Variants in AHR observed in about 807,000 individuals in gnomAD.
AHR encodes AH-receptor.
Under a neutral mutation model 86.8 loss-of-function variants are expected in AHR, and 40 were observed. That is an observed-to-expected ratio of 0.46 (90% confidence interval 0.36 to 0.60). The LOEUF (loss-of-function observed/expected upper bound fraction) is 0.60, where lower values mean the gene tolerates loss of function less well. Among genes scored for constraint, AHR ranks in the 20% least tolerant of loss-of-function variants. AHR has a pLI of 0.00. For missense variants in AHR, 1,001 were observed against 1,011.6 expected (o/e 0.99, Z 0.14); for synonymous variants, 398 against 354.9 (o/e 1.12, Z -1.37).
In AHR at chr7:17,329,935, G is replaced by C. The variant is rs764987578; in HGVS notation, c.451-17G>C. The C allele has an allele frequency of 1.3e-6, 2 of 1,594,030 alleles. No homozygotes were observed. Among genetic ancestry groups the C allele is most frequent in the Non-Finnish European group, 1.7e-6 (2 of 1,171,872 alleles). On this transcript the variant is annotated splice_polypyrimidine_tract_variant and intron_variant, in intron 4 of 10. Coordinates refer to ENST00000242057, the MANE Select transcript of AHR (RefSeq NM_001621.5). The stretch of plus-strand genomic sequence containing the variant: ...AATCAGTCCTTTTGTTGTATTCCTT[G>C]TATCTTTTTTCTTTAGTCTGATGTC...
intron 1 of AHR, among the ~76,000 whole-genome samples, chr7:17,308,274 T>A (rs2237299): frequency 3.3e-5 from 5 of 151,824 alleles, no homozygotes; most frequent in African/African-American, 1.2e-4. Context: ...TACAGTTCAC[T>A]AATCCTTAGT....
intron 3 of AHR, 50 bp from the exon 4 acceptor site, chr7:17,327,709 T>C (rs377441093): frequency 3.3e-5 from 33 of 1,004,620 alleles, no homozygotes; most frequent in East Asian, 7.5e-5. Context: ...CTTTATCTGA[T>C]GGTCAATATT....
rs147237881 is a variant in AHR at position 17,329,993 on chromosome 7, C to T, written c.492C>T (p.Thr164=). ...IHQSVYELIH[T]EDRAEFQRQL... is the part of the protein sequence containing the mutation. ...AGAGTGTATATGAACTTATCCATAC[C>T]GAAGACCGAGCTGAATTTCAGCGTC... Residue 164 remains threonine (T), a synonymous_variant, in exon 5 of 11, where the codon ACC becomes ACT. Transcript: ENST00000242057. 10 of 1,610,820 alleles carry T rather than the reference C, an allele frequency of 6.2e-6. No homozygotes were observed. In the East Asian group the frequency reaches 1.1e-4, roughly 18 times the overall value.
rs938864604 is a variant in AHR at position 17,298,652 on chromosome 7, A to G, written c.-613A>G. The G allele has an allele frequency of 7.6e-6, 3 of 392,496 alleles. No individual in the cohort carries two copies. Among genetic ancestry groups the G allele is most frequent in the African/African-American group, 2.1e-5 (1 of 48,096 alleles). The allele number at this position is 392,496 out of a possible 1,614,324, so 24.3% of individuals were successfully genotyped here. On this transcript the variant is annotated 5_prime_UTR_variant, in exon 1 of 11. Transcript: ENST00000242057. ...GCCGGTGCGCGCGGCGGCGGGAGGCAGTGGCTGGGGAGTCCCGTCGACGCT... is the reference window on the plus strand; with the variant it reads ...GCCGGTGCGCGCGGCGGCGGGAGGCGGTGGCTGGGGAGTCCCGTCGACGCT...
intron 3 of AHR, among the ~76,000 whole-genome samples, chr7:17,327,392 C>A (rs912906743): frequency 1.3e-5 from 2 of 151,926 alleles, no homozygotes; most frequent in African/African-American, 2.4e-5. Flanking sequence ...TAATCAACAT[C>A]TTTGCCTCCT....
At chr7:17,318,259 A>T (rs1782136185) in intron 2 of AHR, among the ~76,000 whole-genome samples, 1 of 152,066 alleles carries the variant, frequency 6.6e-6, no homozygotes, top group African/African-American at 2.4e-5. Context: ...TGATATGAAG[A>T]GATGTGGCAT....
Position 17,334,073 on chromosome 7 carries a change from C to T in AHR, c.867C>T (p.Thr289=), listed in dbSNP as rs2115366406. ...GGACCAAAAATTTTATCTTTAGAAC[C>T]AAACACAAACTAGACTTCACACCTA... ...EIRTKNFIFR[T]KHKLDFTPIG... Residue 289 remains threonine, a synonymous_variant, in exon 7 of 11, where the codon ACC becomes ACT. Transcript: ENST00000242057. The T allele has an allele frequency of 6.2e-7, 1 of 1,613,388 alleles. No homozygotes were observed. The highest frequency in any genetic ancestry group is 1.3e-5 in the African/African-American group (1 of 75,010).
chr7:17,300,550 C>G (rs1781944993), intron 1 of AHR, among the ~76,000 whole-genome samples: 1 of 152,148 alleles, frequency 6.6e-6, no homozygotes, highest in South Asian at 2.1e-4. Flanking sequence ...TATGAATTGG[C>G]ATTAACAGAG....
chr7:17,330,730 A>C, intron 5 of AHR, 26 bp from the exon 6 acceptor site: 49 of 1,527,430 alleles, frequency 3.2e-5, no homozygotes, highest in Non-Finnish European at 4.3e-5. Context: ...TGGAAAGTAA[A>C]TTTTGTTTTG....
chr7:17,304,039 T>G (rs2115350029), intron 1 of AHR, among the ~76,000 whole-genome samples: 1 of 152,270 alleles, frequency 6.6e-6, no homozygotes, highest in South Asian at 2.1e-4. Context: ...CCTTTACGTA[T>G]TCATTTGTTT....
intron 8 of AHR, 44 bp from the exon 9 acceptor site, chr7:17,335,601 T>A (rs1214988467): frequency 4.0e-6 from 6 of 1,487,370 alleles, no homozygotes; most frequent in Non-Finnish European, 4.5e-6. Context: ...CTTTACTATA[T>A]TGATTTGGGG....
At chr7:17,337,639 T>G (rs1480138479) in intron 9 of AHR, among the ~76,000 whole-genome samples, 2 of 151,252 alleles carry the variant, frequency 1.3e-5, no homozygotes, top group Non-Finnish European at 3.0e-5. Context: ...TACGCCCGGC[T>G]AATTTTTTTG....
chr7:17,304,325 G>C (rs1049287902), intron 1 of AHR, among the ~76,000 whole-genome samples: 4 of 152,040 alleles, frequency 2.6e-5, no homozygotes, highest in African/African-American at 9.7e-5. Context: ...ATACACATTA[G>C]TGTTGTATTA....
rs538437087 is a variant in AHR, at chr7:17,343,312, A to G, written c.*248A>G. 2 of 475,008 alleles carry G rather than the reference A, an allele frequency of 4.2e-6. No individual in the cohort carries two copies. Among genetic ancestry groups the G allele is most frequent in the South Asian group, 2.9e-5 (1 of 34,484 alleles). The allele number at this position is 475,008 out of a possible 1,614,324, so 29.4% of individuals were successfully genotyped here. A position where few individuals can be genotyped will look rare whatever the true frequency, so the allele number is the denominator to read the frequency against. On this transcript the variant is annotated 3_prime_UTR_variant, in exon 11 of 11. Coordinates refer to ENST00000242057, the MANE Select transcript of AHR (RefSeq NM_001621.5). ...GCCACGGAGTGGTGAGGTACCGTCT[A>G]CATTTCACATTATTCTGGGCACCAC... is the stretch of plus-strand genomic sequence containing the variant.
intron 1 of AHR, among the ~76,000 whole-genome samples, chr7:17,306,850 G>C (rs1562473931): frequency 6.6e-6 from 1 of 152,094 alleles, no homozygotes; most frequent in African/African-American, 2.4e-5. Flanking sequence ...CCTTTGGTCA[G>C]GTTGTGATCA....
chr7:17,334,147 G>T lies in AHR; in HGVS notation c.908+33G>T, dbSNP rs2074113. The T allele has an allele frequency of 0.11, 177,973 of 1,548,630 alleles. 12,418 individuals carry two copies. The highest frequency in any genetic ancestry group is 0.39 in the East Asian group (17,509 of 44,424). On this transcript the variant is annotated intron_variant, in intron 7 of 10. Transcript: ENST00000242057. The stretch of plus-strand genomic sequence containing the variant: ...AGACTTTTTCACTTTTATTTTATTG[G>T]ATGTACATTATGTTTCAGTAAGTCT...
chr7:17,341,273 G>A lies in AHR; in HGVS notation c.2403+1045G>A, dbSNP rs148311202. 3.9e-5 allele frequency among the ~76,000 whole-genome samples: 6 copies of A among 152,222 alleles called. No homozygotes were observed. In the East Asian group the frequency reaches 1.2e-3, roughly 29 times the overall value. Reference sequence around the variant, plus strand: ...ATGAGCTTTTTAATAGAAAAGGACAGTGAAAATTTTTCTTATTCCTTACAT... The same window carrying A: ...ATGAGCTTTTTAATAGAAAAGGACAATGAAAATTTTTCTTATTCCTTACAT... On this transcript the variant is annotated intron_variant, in intron 10 of 10. Transcript: ENST00000242057.
In AHR at chr7:17,343,155, A is replaced by T. The variant is rs902668976; in HGVS notation, c.*91A>T. On this transcript the variant is annotated 3_prime_UTR_variant, in exon 11 of 11. Coordinates refer to ENST00000242057, the MANE Select transcript of AHR (RefSeq NM_001621.5). ...AAACTGTCACTGTTGGACGTCAGCAAGTTCACATGGAGGCATTGATGCATG... is the reference window on the plus strand; with the variant it reads ...AAACTGTCACTGTTGGACGTCAGCATGTTCACATGGAGGCATTGATGCATG... 2.1e-6 allele frequency: 3 copies of T among 1,453,810 alleles called. No individual in the cohort carries two copies. In the East Asian group the frequency reaches 6.8e-5, roughly 33 times the overall value. 90.1% of individuals were successfully genotyped at this position (1,453,810 alleles called of 1,614,324 possible).
At position 17,340,141 on chromosome 7, in the gene AHR, T is replaced by A; in HGVS notation, c.2316T>A (p.Tyr772Ter). 1 of 1,614,216 alleles carries A rather than the reference T, an allele frequency of 6.2e-7. No individual in the cohort carries two copies. Among genetic ancestry groups the A allele is most frequent in the Non-Finnish European group, 8.5e-7 (1 of 1,180,032 alleles). The change falls in exon 10 of 11, where the codon TAT (tyrosine) becomes TAA (stop). Residue 772 changes from tyrosine to a stop codon, truncating the protein, a stop_gained. Coordinates refer to ENST00000242057, the MANE Select transcript of AHR (RefSeq NM_001621.5). LOFTEE classifies it high-confidence loss of function. ...QTCYAGAVSMYQCQPEPQHTH... is the reference protein window; with the variant it reads ...QTCYAGAVSM ...GTTATGCTGGGGCCGTGTCGATGTATCAGTGCCAGCCAGAACCTCAGCACA... is the reference window on the plus strand; with the variant it reads ...GTTATGCTGGGGCCGTGTCGATGTAACAGTGCCAGCCAGAACCTCAGCACA...
Sources: allele counts gnomAD v4.1 joint callset (sites outside exome capture counted in the v4.1 genomes callset), GRCh38; gene constraint gnomAD v4.1.1; transcripts MANE v1.5; gene names NCBI Gene and HGNC (gene_info 2026-07-23, HGNC 2026-07-21).